The following ADORA1 variants were observed in gnomAD, a reference collection of about 807,000 sequenced individuals.
The protein encoded by ADORA1 is adenosine A1 receptor.
A neutral mutation model predicts 19.9 loss-of-function variants in ADORA1; 6 were observed. The ratio of observed to expected loss-of-function variants is 0.30; its 90% CI spans 0.17 to 0.59. The LOEUF (loss-of-function observed/expected upper bound fraction) is 0.59, where lower values mean the gene tolerates loss of function less well. Ranked by LOEUF, ADORA1 falls within the 20% of genes least tolerant of loss-of-function variation. The pLI is 0.87. For synonymous variants in ADORA1, 194 were observed against 188.4 expected (o/e 1.03, Z -0.24); for missense variants, 302 against 439.2 (o/e 0.69, Z 2.79).
In ADORA1 at chr1:203,150,550, T is replaced by C. The variant is rs1396252287; in HGVS notation, c.342-14711T>C. On this transcript the variant is annotated intron_variant, in intron 3 of 3. Coordinates refer to ENST00000337894, the MANE Select transcript of ADORA1 (RefSeq NM_000674.3). ...GGTCCTGGGGTCCTTCCTGCTGTTA[T>C]TTGGGCTCTACACCCCTTTGCCTGG... is the stretch of plus-strand genomic sequence containing the variant. 3.3e-6 allele frequency: 4 copies of C among 1,228,374 alleles called. No homozygotes were observed. In the African/African-American group the frequency reaches 6.2e-5, roughly 19 times the overall value. The allele number at this position is 1,228,374 out of a possible 1,614,324, so 76.1% of individuals were successfully genotyped here.
chr1:203,162,127 C>T (rs1230369712), intron 3 of ADORA1, among the ~76,000 whole-genome samples: 1 of 152,230 alleles, frequency 6.6e-6, no homozygotes, highest in Non-Finnish European at 1.5e-5. Flanking sequence ...GACTTGCAGC[C>T]TCTGTTTCCT....
At chr1:203,135,045 G>A (rs1246307001) in intron 3 of ADORA1, among the ~76,000 whole-genome samples, 1 of 152,114 alleles carries the variant, frequency 6.6e-6, no homozygotes, top group African/African-American at 2.4e-5. Flanking sequence ...AGTTTCCTCT[G>A]GTAGACACTC....
intron 3 of ADORA1, among the ~76,000 whole-genome samples, chr1:203,158,208 T>C (rs1205128017): frequency 6.6e-6 from 1 of 152,210 alleles, no homozygotes; most frequent in Non-Finnish European, 1.5e-5. Context: ...AGAAACCATA[T>C]AGCACCTTGA....
intron 3 of ADORA1, among the ~76,000 whole-genome samples, chr1:203,152,343 C>T (rs2102756371): frequency 6.6e-6 from 1 of 152,366 alleles, no homozygotes; most frequent in South Asian, 2.1e-4. Flanking sequence ...CCTGGGCCCT[C>T]CCCATGTGCC....
intron 3 of ADORA1, among the ~76,000 whole-genome samples, chr1:203,157,419 C>T (rs1655229777): frequency 1.3e-5 from 2 of 152,248 alleles, no homozygotes; most frequent in South Asian, 4.1e-4. Context: ...TGTACCACCT[C>T]CTGGACATAT....
chr1:203,152,831 G>A (rs1327877688), intron 3 of ADORA1: 1 of 152,236 alleles, frequency 6.6e-6, no homozygotes, highest in Non-Finnish European at 1.5e-5. Context: ...TGGGAGGGGA[G>A]GAGGTGGCTG....
chr1:203,135,785 T>C (rs1654486425), intron 3 of ADORA1, among the ~76,000 whole-genome samples: 1 of 152,126 alleles, frequency 6.6e-6, no homozygotes, highest in African/African-American at 2.4e-5. Context: ...GTAGGTGCTA[T>C]CTAGAAAGAT....
At chr1:203,133,052 A>G (rs1654391338) in intron 3 of ADORA1, among the ~76,000 whole-genome samples, 1 of 151,530 alleles carries the variant, frequency 6.6e-6, no homozygotes, top group Non-Finnish European at 1.5e-5. Flanking sequence ...AATATATTTT[A>G]TCTCATTCAA....
At chr1:203,146,802 G>A (rs182015186) in intron 3 of ADORA1, among the ~76,000 whole-genome samples, 3 of 152,282 alleles carry the variant, frequency 2.0e-5, no homozygotes, top group South Asian at 2.1e-4. Flanking sequence ...GCTTTCTCTC[G>A]GCCTGAGTCT....
Position 203,128,328 on chromosome 1 carries a change from CGT to C in ADORA1, c.-161_-160del, listed in dbSNP as rs1277589363. The stretch of plus-strand genomic sequence containing the variant: ...AGCCGGAGGACTATGAGCTGCCGCG[CGT>C]TGTCCAGAGCCCAGCCCAGCCCTAC... On this transcript the variant is annotated 5_prime_UTR_variant, in exon 2 of 4. Transcript: ENST00000337894. This position sits in a 1 kb window ranked among gnomAD's most constrained non-coding sequence, Gnocchi z 5.9. The C allele has an allele frequency of 1.6e-6, 2 of 1,287,396 alleles. No individual in the cohort carries two copies. Among genetic ancestry groups the C allele is most frequent in the African/African-American group, 3.0e-5 (2 of 65,798 alleles). The allele number at this position is 1,287,396 out of a possible 1,614,324, so 79.7% of individuals were successfully genotyped here. A position where few individuals can be genotyped will look rare whatever the true frequency, so the allele number is the denominator to read the frequency against.
chr1:203,141,572 ATTTTTTTTTTTT>A (rs56188119), intron 3 of ADORA1, among the ~76,000 whole-genome samples: 1 of 73,524 alleles, frequency 1.4e-5, no homozygotes, highest in African/African-American at 6.1e-5. Flanking sequence ...TCTAACCTGG[ATTTTTTTTTTTT>A]TTTTTTTTTT....
Position 203,165,117 on chromosome 1 carries a change from A to G in ADORA1, c.342-144A>G, listed in dbSNP as rs1244532101. 6.4e-7 allele frequency: 1 copy of G among 1,553,854 alleles called. No homozygotes were observed. Among genetic ancestry groups the G allele is most frequent in the Non-Finnish European group, 8.7e-7 (1 of 1,148,680 alleles). On this transcript the variant is annotated intron_variant, in intron 3 of 3. Coordinates refer to ENST00000337894, the MANE Select transcript of ADORA1 (RefSeq NM_000674.3). This position sits in a 1 kb window ranked among gnomAD's most constrained non-coding sequence, Gnocchi z 5.9. ...GATCCTGAAGACTCAGCCCTCGAGCAAAAGACATGCACCTCCCCACTCACC... is the reference window on the plus strand; with the variant it reads ...GATCCTGAAGACTCAGCCCTCGAGCGAAAGACATGCACCTCCCCACTCACC...
intron 3 of ADORA1, among the ~76,000 whole-genome samples, chr1:203,147,161 C>T (rs1654883707): frequency 6.6e-6 from 1 of 152,218 alleles, no homozygotes; most frequent in Admixed American, 6.5e-5. Context: ...AGAACCTGCT[C>T]TTCTTCGCTC....
At chr1:203,135,157 G>C (rs1400976176) in intron 3 of ADORA1, among the ~76,000 whole-genome samples, 4 of 152,178 alleles carry the variant, frequency 2.6e-5, no homozygotes, top group African/African-American at 9.7e-5. Context: ...AAAGGCCAGG[G>C]ACACATCTGC....
intron 3 of ADORA1, among the ~76,000 whole-genome samples, chr1:203,133,006 C>G (rs1445476440): frequency 1.3e-5 from 2 of 152,030 alleles, no homozygotes; most frequent in African/African-American, 2.4e-5. Context: ...GTTTTAGCTC[C>G]TAGTGAGTGT....
At chr1:203,150,472 A>C (rs779505678) in intron 3 of ADORA1, among the ~76,000 whole-genome samples, 3 of 152,174 alleles carry the variant, frequency 2.0e-5, no homozygotes, top group Non-Finnish European at 4.4e-5. Flanking sequence ...GTGGAGGGAC[A>C]CAGGGCAAAG....
At chr1:203,156,591 G>A (rs1179787606) in intron 3 of ADORA1, among the ~76,000 whole-genome samples, 1 of 152,196 alleles carries the variant, frequency 6.6e-6, no homozygotes, top group African/African-American at 2.4e-5. Context: ...GGGAATGACA[G>A]TGCCCTCTGC....
intron 3 of ADORA1, among the ~76,000 whole-genome samples, chr1:203,147,367 T>C (rs1487235775): frequency 6.6e-6 from 1 of 152,176 alleles, no homozygotes; most frequent in Admixed American, 6.5e-5. Context: ...AACTGGTCAC[T>C]CTGGTGAATC....
intron 3 of ADORA1, among the ~76,000 whole-genome samples, chr1:203,132,239 G>A (rs535641060): frequency 8.5e-5 from 13 of 152,104 alleles, no homozygotes; most frequent in Admixed American, 3.9e-4. Flanking sequence ...CTGGTTCTAG[G>A]GAATCTCTAT....
Sources: allele counts gnomAD v4.1 joint callset (sites outside exome capture counted in the v4.1 genomes callset), GRCh38; gene constraint gnomAD v4.1.1; non-coding constraint Gnocchi (gnomAD v3.1); transcripts MANE v1.5; gene names NCBI Gene and HGNC (gene_info 2026-07-23, HGNC 2026-07-21).